THSD4: variants seen among roughly 807,000 people sequenced by gnomAD.
THSD4 encodes the protein thrombospondin type-1 domain-containing protein 4.
In THSD4, 69 loss-of-function variants were observed where a neutral mutation model predicts 119.0. The ratio of observed to expected loss-of-function variants is 0.58; its 90% CI spans 0.48 to 0.71. THSD4 has a LOEUF of 0.71. Ranked by LOEUF, THSD4 falls within the 30% of genes least tolerant of loss-of-function variation. The pLI is 0.00. For missense variants in THSD4, 1,393 were observed against 1,391.1 expected, an observed-to-expected ratio of 1.00 and a Z score of -0.02; for synonymous variants, 524 against 540.4, an observed-to-expected ratio of 0.97 and a Z score of 0.42.
At chr15:71,377,675 C>T (rs2046157673) in intron 6 of THSD4, among the ~76,000 whole-genome samples, 1 of 152,034 alleles carries the variant, frequency 6.6e-6, no homozygotes, top group South Asian at 2.1e-4. Context: ...TGCAGTGGGC[C>T]ATTCTGTTTC....
intron 1 of THSD4, among the ~76,000 whole-genome samples, chr15:71,134,417 C>T (rs530750486): frequency 1.3e-5 from 2 of 152,340 alleles, no homozygotes; most frequent in East Asian, 1.9e-4. Flanking sequence ...GCGCCTTCAG[C>T]GCCTTCATTC....
chr15:71,323,096 T>TAAAA (rs34395762), intron 6 of THSD4, among the ~76,000 whole-genome samples: 17 of 98,506 alleles, frequency 1.7e-4, no homozygotes, highest in African/African-American at 5.0e-4. Flanking sequence ...GACCCTGTCT[T>TAAAA]AAAAAAAAAA....
Position 71,777,458 on chromosome 15 carries a change from AC to A in THSD4, c.*85del. 6.6e-7 allele frequency: 1 copy of A among 1,519,012 alleles called. No homozygotes were observed. The highest frequency in any genetic ancestry group is 8.8e-7 in the Non-Finnish European group (1 of 1,134,614). The allele number at this position is 1,519,012 out of a possible 1,614,324, so 94.1% of individuals were successfully genotyped here. On this transcript the variant is annotated 3_prime_UTR_variant, in exon 18 of 18. Transcript: ENST00000261862. The stretch of plus-strand genomic sequence containing the variant: ...GCGCCTGGCTGGCTGCTGCTCCACC[AC>A]GGGCCCCCTGGCCCAGGCGCTGCCA...
chr15:71,389,374 A>G (rs866281062), intron 6 of THSD4, among the ~76,000 whole-genome samples: 2 of 151,876 alleles, frequency 1.3e-5, no homozygotes, highest in Admixed American at 6.6e-5. Flanking sequence ...CAGCAGAATC[A>G]TATGTTATTT....
intron 7 of THSD4, among the ~76,000 whole-genome samples, chr15:71,610,873 G>C (rs544755369): frequency 6.6e-6 from 1 of 152,250 alleles, no homozygotes; most frequent in East Asian, 1.9e-4. Flanking sequence ...CTAGAGAGGT[G>C]CCCCTAGGTG....
intron 7 of THSD4, among the ~76,000 whole-genome samples, chr15:71,570,660 T>C (rs1459014606): frequency 6.6e-6 from 1 of 152,148 alleles, no homozygotes; most frequent in Non-Finnish European, 1.5e-5. Context: ...ACCCTGGTGA[T>C]GGGAATATGG....
chr15:71,136,263 C>G (rs935506491), intron 1 of THSD4, among the ~76,000 whole-genome samples: 4 of 152,096 alleles, frequency 2.6e-5, no homozygotes, highest in Admixed American at 2.6e-4. Flanking sequence ...ATGTCGGGAG[C>G]CAACGTCCTG....
chr15:71,399,245 G>A (rs2046491699), intron 6 of THSD4, among the ~76,000 whole-genome samples: 1 of 152,118 alleles, frequency 6.6e-6, no homozygotes, highest in South Asian at 2.1e-4. Context: ...GTGAGCCTTA[G>A]GTTCCTTGTC....
At chr15:71,156,552 G>A (rs28402807) in intron 3 of THSD4, among the ~76,000 whole-genome samples, 12,376 of 152,024 alleles carry the variant, frequency 0.081, 935 homozygotes, top group African/African-American at 0.2. Flanking sequence ...GGTGTGAGCC[G>A]CTGCACTGGC....
chr15:71,353,858 CCTCT>C (rs1411728573), intron 6 of THSD4, among the ~76,000 whole-genome samples: 9 of 152,322 alleles, frequency 5.9e-5, no homozygotes, highest in African/African-American at 2.2e-4. Context: ...TTGGTTCCCT[CCTCT>C]CTAAGTGTGA....
At chr15:71,394,527 TC>T (rs2046419832) in intron 6 of THSD4, among the ~76,000 whole-genome samples, 1 of 152,184 alleles carries the variant, frequency 6.6e-6, no homozygotes. Flanking sequence ...CGCCTCAGCC[TC>T]CCAAAGTGCT....
intron 6 of THSD4, among the ~76,000 whole-genome samples, chr15:71,315,841 A>G (rs2045179869): frequency 6.6e-6 from 1 of 152,246 alleles, no homozygotes; most frequent in Admixed American, 6.5e-5. Context: ...AAGGAATAAA[A>G]ATATATCAGA....
At chr15:71,459,134 CCTTTT>C (rs1295461816) in intron 7 of THSD4, among the ~76,000 whole-genome samples, 1 of 150,444 alleles carries the variant, frequency 6.6e-6, no homozygotes, top group African/African-American at 2.5e-5. Context: ...GTAGTATCAG[CCTTTT>C]CTTTTTCATT....
chr15:71,117,971 G>T (rs572230886), intron 1 of THSD4, among the ~76,000 whole-genome samples: 2 of 152,078 alleles, frequency 1.3e-5, no homozygotes, highest in Non-Finnish European at 2.9e-5. Context: ...AGAAATAACC[G>T]CAATACAAGG....
rs118124223 is a variant in THSD4, at chr15:71,415,246, C to T, written c.1152+3423C>T. ...TGAACTGAGTCTACAAAAGGGTCCT[C>T]ATGAGAGGAGGGCACTGTCCTCACA... On this transcript the variant is annotated intron_variant, in intron 7 of 17. Coordinates refer to ENST00000261862, the MANE Select transcript of THSD4 (RefSeq NM_024817.3). 9.1e-4 allele frequency among the ~76,000 whole-genome samples: 138 copies of T among 152,358 alleles called. No homozygotes were observed. The East Asian group carries it at 0.023, about 25-fold the overall frequency.
upstream of THSD4, chr15:71,112,357 A>G (rs930192222): frequency 2.1e-6 from 2 of 968,546 alleles, no homozygotes; most frequent in African/African-American, 3.3e-5. Context: ...ATAGGACAAC[A>G]GGTGTAAGCT....
chr15:71,193,735 T>C (rs1173820594), intron 3 of THSD4, among the ~76,000 whole-genome samples: 2 of 151,856 alleles, frequency 1.3e-5, no homozygotes, highest in Non-Finnish European at 2.9e-5. Context: ...TGAGACGGAG[T>C]CTCGCTCTGT....
intron 6 of THSD4, among the ~76,000 whole-genome samples, chr15:71,338,401 G>A (rs186319338): frequency 1.3e-5 from 2 of 152,156 alleles, no homozygotes; most frequent in East Asian, 3.9e-4. Context: ...ATAGATATCA[G>A]GGAGGTTCAC....
At chr15:71,640,782 C>T (rs1424032058) in intron 7 of THSD4, among the ~76,000 whole-genome samples, 1 of 152,196 alleles carries the variant, frequency 6.6e-6, no homozygotes, top group Non-Finnish European at 1.5e-5. Flanking sequence ...TCCAATTCCA[C>T]CTACCATGTG....
Sources: allele counts gnomAD v4.1 joint callset (sites outside exome capture counted in the v4.1 genomes callset), GRCh38; gene constraint gnomAD v4.1.1; transcripts MANE v1.5; gene names NCBI Gene and HGNC (gene_info 2026-07-23, HGNC 2026-07-21).